PLCB1: variants seen among roughly 807,000 people sequenced by gnomAD.
The protein encoded by PLCB1 is phospholipase C beta 1.
In PLCB1, 46 loss-of-function variants were observed where a neutral mutation model predicts 161.8. The ratio of observed to expected loss-of-function variants is 0.28; its 90% CI spans 0.22 to 0.36. The LOEUF (loss-of-function observed/expected upper bound fraction) is 0.36. Among genes scored for constraint, PLCB1 ranks in the 10% least tolerant of loss-of-function variants. The pLI is 1.00. For missense variants in PLCB1, 1,016 were observed against 1,472.5 expected (o/e 0.69, Z 5.07); for synonymous variants, 517 against 503.7 (o/e 1.03, Z -0.35).
intron 2 of PLCB1, among the ~76,000 whole-genome samples, chr20:8,347,191 T>G (rs918768952): frequency 6.6e-6 from 1 of 152,236 alleles, no homozygotes; most frequent in African/African-American, 2.4e-5. Context: ...TGGTTTACCT[T>G]GGGAATTACC....
chr20:8,814,057 G>T (rs1984960975), intron 31 of PLCB1, among the ~76,000 whole-genome samples: 1 of 152,060 alleles, frequency 6.6e-6, no homozygotes, highest in Non-Finnish European at 1.5e-5. Context: ...TTTTAGAAAT[G>T]ACTTTTTCTT....
intron 2 of PLCB1, among the ~76,000 whole-genome samples, chr20:8,299,608 C>T (rs2123317377): frequency 6.6e-6 from 1 of 152,306 alleles, no homozygotes; most frequent in Non-Finnish European, 1.5e-5. Context: ...TTCTCATGCA[C>T]CCTGATTTCT....
At chr20:8,158,163 T>G (rs554907648) in intron 2 of PLCB1, among the ~76,000 whole-genome samples, 30 of 152,386 alleles carry the variant, frequency 2.0e-4, no homozygotes, top group African/African-American at 6.0e-4. Context: ...TGCATATTGT[T>G]CATAATTTTA....
chr20:8,711,653 G>A (rs1225250973), intron 12 of PLCB1, among the ~76,000 whole-genome samples: 1 of 152,126 alleles, frequency 6.6e-6, no homozygotes, highest in African/African-American at 2.4e-5. Flanking sequence ...TTGTCCTTCA[G>A]ATATCAAAAT....
intron 2 of PLCB1, among the ~76,000 whole-genome samples, chr20:8,312,994 G>A (rs1984478287): frequency 1.3e-5 from 2 of 152,120 alleles, no homozygotes; most frequent in African/African-American, 4.8e-5. Flanking sequence ...ATGATGTCAT[G>A]TATATTTGTA....
At chr20:8,487,028 C>A (rs962039151) in intron 3 of PLCB1, among the ~76,000 whole-genome samples, 4 of 152,220 alleles carry the variant, frequency 2.6e-5, no homozygotes, top group African/African-American at 9.6e-5. Context: ...AACATTTTGA[C>A]AGAAAAGTGA....
chr20:8,813,213 T>A (rs542428228), intron 31 of PLCB1, among the ~76,000 whole-genome samples: 5 of 152,280 alleles, frequency 3.3e-5, no homozygotes, highest in African/African-American at 1.2e-4. Flanking sequence ...GAGCCTGCAT[T>A]TTCCTGTTTT....
chr20:8,568,154 C>T (rs1986401155), intron 3 of PLCB1, among the ~76,000 whole-genome samples: 1 of 152,286 alleles, frequency 6.6e-6, no homozygotes, highest in East Asian at 1.9e-4. Context: ...GTCTAAACTT[C>T]AAGTGAACTT....
At chr20:8,505,625 T>A (rs891209110) in intron 3 of PLCB1, among the ~76,000 whole-genome samples, 10 of 152,250 alleles carry the variant, frequency 6.6e-5, no homozygotes, top group African/African-American at 2.4e-4. Flanking sequence ...TGAAATATGT[T>A]CTGTTTTGCT....
chr20:8,215,533 C>T (rs1314339067), intron 2 of PLCB1, among the ~76,000 whole-genome samples: 1 of 151,872 alleles, frequency 6.6e-6, no homozygotes, highest in Non-Finnish European at 1.5e-5. Flanking sequence ...GCTGACATTT[C>T]GCAGCCCCCG....
At chr20:8,818,957 A>G (rs1395057583) in intron 31 of PLCB1, among the ~76,000 whole-genome samples, 3 of 152,038 alleles carry the variant, frequency 2.0e-5, no homozygotes, top group African/African-American at 4.8e-5. Context: ...AAAAAAAAAA[A>G]AAAGTTCTCC....
At chr20:8,536,544 A>G (rs1004278503) in intron 3 of PLCB1, among the ~76,000 whole-genome samples, 15 of 152,158 alleles carry the variant, frequency 9.9e-5, no homozygotes, top group African/African-American at 3.6e-4. Flanking sequence ...TTGCAGCAAG[A>G]TGGTGGTTGA....
intron 2 of PLCB1, among the ~76,000 whole-genome samples, chr20:8,346,363 A>AT (rs1986000475): frequency 6.6e-6 from 1 of 152,200 alleles, no homozygotes; most frequent in African/African-American, 2.4e-5. Flanking sequence ...AAAAACTATG[A>AT]TTTTGACATT....
chr20:8,758,138 G>A (rs1270081525), intron 24 of PLCB1, among the ~76,000 whole-genome samples: 1 of 150,534 alleles, frequency 6.6e-6, no homozygotes, highest in Admixed American at 6.6e-5. Flanking sequence ...CCATGAAGGT[G>A]TGGAAAGGAG....
intron 27 of PLCB1, among the ~76,000 whole-genome samples, chr20:8,777,414 T>C (rs1982996798): frequency 1.3e-5 from 2 of 152,112 alleles, no homozygotes; most frequent in Non-Finnish European, 2.9e-5. Flanking sequence ...AGGGTGAATG[T>C]TGCTTAGAAG....
intron 3 of PLCB1, among the ~76,000 whole-genome samples, chr20:8,543,395 A>G (rs890690725): frequency 3.3e-5 from 5 of 152,066 alleles, no homozygotes; most frequent in African/African-American, 7.2e-5. Flanking sequence ...TATAAATTCT[A>G]TGTAGCACAG....
At chr20:8,353,735 G>T (rs1371473659) in intron 2 of PLCB1, among the ~76,000 whole-genome samples, 1 of 152,076 alleles carries the variant, frequency 6.6e-6, no homozygotes, top group East Asian at 1.9e-4. Flanking sequence ...CAAAAGCAAG[G>T]AATGCCAAAG....
At chr20:8,653,212 G>A (rs1989367051) in intron 7 of PLCB1, 2 of 152,064 alleles carry the variant, frequency 1.3e-5, no homozygotes, top group African/African-American at 4.8e-5. Flanking sequence ...GGGCACACAT[G>A]TAATACAAAG....
chr20:8,847,864 T>C (rs1005866685), intron 31 of PLCB1, among the ~76,000 whole-genome samples: 1 of 152,216 alleles, frequency 6.6e-6, no homozygotes, highest in Non-Finnish European at 1.5e-5. Context: ...TTTGTGCTGC[T>C]ATAACAAAAT....
Sources: allele counts gnomAD v4.1 joint callset (sites outside exome capture counted in the v4.1 genomes callset), GRCh38; gene constraint gnomAD v4.1.1; transcripts MANE v1.5; gene names NCBI Gene and HGNC (gene_info 2026-07-23, HGNC 2026-07-21).